FOXP2: variants seen among roughly 807,000 people sequenced by gnomAD.
The protein encoded by FOXP2 is forkhead box P2.
FOXP2 carries 12 observed loss-of-function variants against 115.8 expected under a neutral mutation model. The observed-to-expected ratio is 0.10, with a 90% confidence interval of 0.07 to 0.17. The LOEUF is 0.17. FOXP2 is among the 10% of genes least tolerant of loss of function. The probability of loss-of-function intolerance (pLI) is 1.00; values close to 1 mark genes in which losing one functional copy is unlikely to be tolerated. For synonymous variants in FOXP2, 328 were observed against 297.7 expected (o/e 1.10, Z -1.05); for missense variants, 629 against 843.5 (o/e 0.75, Z 3.15).
chr7:114,501,446 T>C (rs1797563463), intron 2 of FOXP2, among the ~76,000 whole-genome samples: 1 of 152,124 alleles, frequency 6.6e-6, no homozygotes, highest in Admixed American at 6.6e-5. Flanking sequence ...CTATTTGCCT[T>C]GAATAAATTA....
At chr7:114,634,858 C>T (rs1389002499) in intron 6 of FOXP2, among the ~76,000 whole-genome samples, 4 of 151,994 alleles carry the variant, frequency 2.6e-5, no homozygotes, top group African/African-American at 9.7e-5. Context: ...ATCCGATAAA[C>T]GTTTGTGTAC....
At chr7:114,328,575 A>T (rs540030334) in intron 2 of FOXP2, among the ~76,000 whole-genome samples, 33 of 152,146 alleles carry the variant, frequency 2.2e-4, no homozygotes, top group Non-Finnish European at 3.8e-4. Context: ...TTAGATGGAC[A>T]TGCAGTAACA....
intron 2 of FOXP2, among the ~76,000 whole-genome samples, chr7:114,317,642 C>T (rs1403512348): frequency 1.3e-5 from 2 of 152,094 alleles, no homozygotes; most frequent in Admixed American, 1.3e-4. Flanking sequence ...TTCAGCACAG[C>T]AGTTAAAGAG....
chr7:114,562,878 A>T (rs913306441), intron 3 of FOXP2, among the ~76,000 whole-genome samples: 5 of 151,878 alleles, frequency 3.3e-5, no homozygotes, highest in African/African-American at 1.2e-4. Context: ...TACTACCTGT[A>T]TTACTCTGTC....
At chr7:114,393,555 T>C (rs1792661923) in intron 2 of FOXP2, among the ~76,000 whole-genome samples, 1 of 151,464 alleles carries the variant, frequency 6.6e-6, no homozygotes, top group African/African-American at 2.4e-5. Flanking sequence ...GGGGCGTCCT[T>C]ATGGGGTAGG....
At chr7:114,611,445 CA>C (rs906127769) in intron 3 of FOXP2, among the ~76,000 whole-genome samples, 1 of 151,922 alleles carries the variant, frequency 6.6e-6, no homozygotes, top group East Asian at 1.9e-4. Flanking sequence ...ATTTATTTTT[CA>C]AAAAAATTTT....
chr7:114,426,840 GA>G (rs1793876952), intron 2 of FOXP2, among the ~76,000 whole-genome samples, 161 bp downstream of exon 2: 1 of 151,708 alleles, frequency 6.6e-6, no homozygotes, highest in African/African-American at 2.4e-5. Context: ...AAAGAGATAA[GA>G]TTTTCATATT....
At chr7:114,535,221 A>T (rs1192300326) in intron 3 of FOXP2, among the ~76,000 whole-genome samples, 2 of 151,692 alleles carry the variant, frequency 1.3e-5, no homozygotes, top group African/African-American at 4.8e-5. Flanking sequence ...GTCCTTACTC[A>T]CTATGTTTGT....
intron 16 of FOXP2, among the ~76,000 whole-genome samples, chr7:114,683,560 C>A: frequency 6.6e-6 from 1 of 152,082 alleles, no homozygotes. Flanking sequence ...ATCAGAATGA[C>A]CAAAAAATGC....
At chr7:114,163,714 TAGA>T (rs1243114940) in intron 1 of FOXP2, among the ~76,000 whole-genome samples, 2 of 152,232 alleles carry the variant, frequency 1.3e-5, no homozygotes, top group Non-Finnish European at 2.9e-5. Context: ...CAGAAGTTGA[TAGA>T]AGGAGGATTG....
chr7:114,571,335 C>G (rs1474343012), intron 3 of FOXP2, among the ~76,000 whole-genome samples: 2 of 151,840 alleles, frequency 1.3e-5, no homozygotes, highest in Non-Finnish European at 2.9e-5. Flanking sequence ...TAACTTGTCA[C>G]TTTGGACTGT....
chr7:114,476,749 G>T (rs992526152), intron 2 of FOXP2, among the ~76,000 whole-genome samples: 3 of 152,006 alleles, frequency 2.0e-5, no homozygotes, highest in East Asian at 1.9e-4. Context: ...CCCAAACTGT[G>T]AGCATGGAAT....
At chr7:114,142,976 G>A (rs1358663763) in intron 1 of FOXP2, among the ~76,000 whole-genome samples, 1 of 151,768 alleles carries the variant, frequency 6.6e-6, no homozygotes, top group African/African-American at 2.4e-5. Flanking sequence ...GACGAAACCT[G>A]TCTCTACAGA....
At chr7:114,421,959 A>G (rs566534872) in intron 1 of FOXP2, among the ~76,000 whole-genome samples, 61 of 151,908 alleles carry the variant, frequency 4.0e-4, no homozygotes, top group African/African-American at 1.2e-3. Flanking sequence ...TTAGAACTTA[A>G]CTAATATTTT....
chr7:114,626,264 A>G (rs183988549), intron 3 of FOXP2, among the ~76,000 whole-genome samples: 4 of 151,796 alleles, frequency 2.6e-5, no homozygotes, highest in African/African-American at 7.2e-5. Context: ...TCATTTATCA[A>G]ATCGATCACA....
chr7:114,446,524 G>A (rs1794840585), intron 2 of FOXP2, among the ~76,000 whole-genome samples: 1 of 151,682 alleles, frequency 6.6e-6, no homozygotes. Context: ...GTAAAACTGA[G>A]ATCATACTTT....
intron 1 of FOXP2, among the ~76,000 whole-genome samples, chr7:114,267,004 G>A (rs1343764803): frequency 6.6e-6 from 1 of 152,048 alleles, no homozygotes; most frequent in Non-Finnish European, 1.5e-5. Context: ...TTTGAATAGA[G>A]TTCATTGGAA....
At chr7:114,468,478 A>C (rs1194394097) in intron 2 of FOXP2, among the ~76,000 whole-genome samples, 1 of 152,180 alleles carries the variant, frequency 6.6e-6, no homozygotes, top group Non-Finnish European at 1.5e-5. Context: ...GTGCCAACTT[A>C]CTTACCCATC....
intron 3 of FOXP2, among the ~76,000 whole-genome samples, chr7:114,591,110 T>G (rs1802416468): frequency 6.6e-6 from 1 of 152,182 alleles, no homozygotes; most frequent in Non-Finnish European, 1.5e-5. Flanking sequence ...TTATGTCTAC[T>G]ATTTTCCTGA....
Sources: allele counts gnomAD v4.1 joint callset (sites outside exome capture counted in the v4.1 genomes callset), GRCh38; gene constraint gnomAD v4.1.1; transcripts MANE v1.5; gene names NCBI Gene and HGNC (gene_info 2026-07-23, HGNC 2026-07-21).